NRG3: variants seen among roughly 807,000 people sequenced by gnomAD.
The protein encoded by NRG3 is pro-neuregulin-3, membrane-bound isoform.
NRG3 carries 31 observed loss-of-function variants against 66.9 expected under a neutral mutation model. The ratio of observed to expected loss-of-function variants is 0.46; its 90% CI spans 0.35 to 0.63. The LOEUF (loss-of-function observed/expected upper bound fraction) is 0.63. Ranked by LOEUF, NRG3 falls within the 20% of genes least tolerant of loss-of-function variation. The pLI, the probability that NRG3 is intolerant of heterozygous loss-of-function variation, is 0.00. For missense variants in NRG3, 910 were observed against 878.9 expected, an observed-to-expected ratio of 1.04 and a Z score of -0.45; for synonymous variants, 393 against 359.4, an observed-to-expected ratio of 1.09 and a Z score of -1.06.
chr10:82,132,465 T>A (rs150313874), intron 1 of NRG3, among the ~76,000 whole-genome samples: 8,004 of 133,624 alleles, frequency 0.06, 1,371 homozygotes, highest in East Asian at 0.17. Flanking sequence ...ATATGATATA[T>A]ATGATATATA....
In NRG3 at chr10:82,973,823, G is replaced by A; in HGVS notation, c.1320G>A (p.Leu440=). The change falls in exon 7 of 9, where the codon TTG becomes TTA. Residue 440 remains leucine, a synonymous_variant. Coordinates refer to ENST00000372141, the MANE Select transcript of NRG3 (RefSeq NM_001010848.4). ...TGGAAAGGCATCCTGTGACTGCATT[G>A]GAGAAAATGATGGAGTCAAGTTTTG... ...SKVERHPVTA[L]EKMMESSFVG... is the part of the protein sequence containing the mutation. The A allele has an allele frequency of 1.2e-6, 2 of 1,613,932 alleles. No homozygotes were observed. The highest frequency in any genetic ancestry group is 4.5e-5 in the East Asian group (2 of 44,876).
chr10:82,935,366 A>G (rs564787466), intron 4 of NRG3, among the ~76,000 whole-genome samples: 187 of 152,252 alleles, frequency 1.2e-3, no homozygotes, highest in South Asian at 1.5e-3. Flanking sequence ...TCAGTATTCT[A>G]TTTAAAATGT....
intron 1 of NRG3, among the ~76,000 whole-genome samples, chr10:81,935,220 G>T (rs1394430039): frequency 6.6e-6 from 1 of 152,112 alleles, no homozygotes; most frequent in African/African-American, 2.4e-5. Context: ...TAGCCTATTT[G>T]GCACTAAGTA....
intron 3 of NRG3, among the ~76,000 whole-genome samples, chr10:82,805,939 T>G (rs2061260757): frequency 6.6e-6 from 1 of 152,210 alleles, no homozygotes; most frequent in Non-Finnish European, 1.5e-5. Context: ...CTAAAAATCT[T>G]TATTTTCAAA....
chr10:81,964,826 A>T (rs2059671432), intron 1 of NRG3, among the ~76,000 whole-genome samples: 1 of 152,006 alleles, frequency 6.6e-6, no homozygotes, highest in Non-Finnish European at 1.5e-5. Context: ...TTCCATGTTC[A>T]TTAATTAGGT....
chr10:82,272,039 G>A (rs1273426704), intron 1 of NRG3, among the ~76,000 whole-genome samples: 1 of 152,014 alleles, frequency 6.6e-6, no homozygotes, highest in East Asian at 1.9e-4. Flanking sequence ...ATAGAATTTA[G>A]ACACTCAACA....
intron 2 of NRG3, among the ~76,000 whole-genome samples, chr10:82,560,365 A>G (rs1430221044): frequency 1.3e-5 from 2 of 151,376 alleles, no homozygotes; most frequent in Admixed American, 6.6e-5. Flanking sequence ...ATTTCTTTCA[A>G]TAAGATTTAA....
intron 1 of NRG3, among the ~76,000 whole-genome samples, chr10:82,216,573 G>GGTGTGT (rs367590464): frequency 8.4e-6 from 1 of 119,418 alleles, no homozygotes; most frequent in African/African-American, 3.2e-5. Flanking sequence ...TATATATCTG[G>GGTGTGT]GTGTGTGTGT....
chr10:82,476,242 T>C (rs1355892680), intron 2 of NRG3, among the ~76,000 whole-genome samples: 2 of 152,206 alleles, frequency 1.3e-5, no homozygotes, highest in Non-Finnish European at 2.9e-5. Context: ...AATGACATCC[T>C]TGTGCACTGC....
intron 1 of NRG3, among the ~76,000 whole-genome samples, chr10:82,150,159 C>T (rs1470262949): frequency 6.6e-6 from 1 of 152,094 alleles, no homozygotes; most frequent in Non-Finnish European, 1.5e-5. Context: ...CCTCCGGGAC[C>T]CTTCAGAAGG....
chr10:82,524,779 T>G (rs1385726246), intron 2 of NRG3, among the ~76,000 whole-genome samples: 1 of 151,668 alleles, frequency 6.6e-6, no homozygotes, highest in Non-Finnish European at 1.5e-5. Flanking sequence ...TCCAGAGATC[T>G]TCTCTGATCA....
rs141502387 is a variant in NRG3 at position 82,672,674 on chromosome 10, A to G, written c.954-65903A>G. Reference sequence around the variant, plus strand: ...AAATCAAAACAAAACAAATCAAAACAAAACAATTCCAGGCCTGGGCCCCTG... The same window carrying G: ...AAATCAAAACAAAACAAATCAAAACGAAACAATTCCAGGCCTGGGCCCCTG... On this transcript the variant is annotated intron_variant, in intron 2 of 8. Transcript: ENST00000372141. Among the ~76,000 whole-genome samples the G allele has an allele frequency of 3.3e-5, 5 of 152,338 alleles. No individual in the cohort carries two copies. In the East Asian group the frequency reaches 7.7e-4, roughly 24 times the overall value.
At chr10:82,175,624 A>G (rs1035205592) in intron 1 of NRG3, among the ~76,000 whole-genome samples, 36 of 152,168 alleles carry the variant, frequency 2.4e-4, no homozygotes, top group Non-Finnish European at 4.7e-4. Context: ...TTTCCATAAC[A>G]TGTTCTACAA....
intron 3 of NRG3, among the ~76,000 whole-genome samples, chr10:82,810,106 C>T (rs1349891889): frequency 6.6e-6 from 1 of 151,948 alleles, no homozygotes; most frequent in Non-Finnish European, 1.5e-5. Flanking sequence ...AAATTACCTC[C>T]CAGTTTATGG....
chr10:82,631,589 T>G (rs1410189839), intron 2 of NRG3, among the ~76,000 whole-genome samples: 2 of 100,750 alleles, frequency 2.0e-5, no homozygotes, highest in South Asian at 3.4e-4. Flanking sequence ...TCAGCCGTGG[T>G]TTTTTTTTTT....
chr10:82,675,523 T>C (rs970056540), intron 2 of NRG3, among the ~76,000 whole-genome samples: 1 of 152,158 alleles, frequency 6.6e-6, no homozygotes, highest in African/African-American at 2.4e-5. Context: ...TCGGGGAAGT[T>C]AGCATACCTT....
intron 3 of NRG3, among the ~76,000 whole-genome samples, chr10:82,854,508 A>T (rs2063713430): frequency 6.6e-6 from 1 of 152,190 alleles, no homozygotes; most frequent in Non-Finnish European, 1.5e-5. Context: ...GAACTTTAAA[A>T]TGCCAGATAC....
chr10:82,062,489 C>T (rs2064212252), intron 1 of NRG3, among the ~76,000 whole-genome samples: 2 of 151,864 alleles, frequency 1.3e-5, no homozygotes, highest in Non-Finnish European at 2.9e-5. Context: ...GCCTGTAGTC[C>T]CAGCTACTCA....
At chr10:82,512,660 C>T (rs1217727888) in intron 2 of NRG3, among the ~76,000 whole-genome samples, 1 of 152,094 alleles carries the variant, frequency 6.6e-6, no homozygotes, top group African/African-American at 2.4e-5. Context: ...ACTTTTATGT[C>T]ACTCCTTCAT....
Sources: gnomAD v4.1 joint callset for allele counts (sites outside exome capture counted in the v4.1 genomes callset) on GRCh38, gnomAD v4.1.1 for gene constraint, MANE v1.5 for transcripts, NCBI Gene and HGNC (gene_info 2026-07-23, HGNC 2026-07-21) for gene names.